SHROOM3: variants seen among roughly 807,000 people sequenced by gnomAD.
SHROOM3 encodes protein Shroom3.
A neutral mutation model predicts 138.6 loss-of-function variants in SHROOM3; 47 were observed. The ratio of observed to expected loss-of-function variants is 0.34; its 90% CI spans 0.27 to 0.43. The LOEUF is 0.43. Ranked by LOEUF, SHROOM3 falls within the 20% of genes least tolerant of loss-of-function variation. SHROOM3 has a pLI of 1.00. For synonymous variants in SHROOM3, 1,062 were observed against 1,063.3 expected (o/e 1.00, Z 0.02); for missense variants, 2,491 against 2,596.5 (o/e 0.96, Z 0.88).
intron 2 of SHROOM3, among the ~76,000 whole-genome samples, chr4:76,661,577 C>A (rs1428027044): frequency 1.3e-5 from 2 of 152,154 alleles, no homozygotes; most frequent in African/African-American, 4.8e-5. Flanking sequence ...CTTTGTGCCC[C>A]TTTCCAGTCC....
chr4:76,732,420 C>T (rs370001130), intron 4 of SHROOM3, among the ~76,000 whole-genome samples: 11 of 152,308 alleles, frequency 7.2e-5, no homozygotes, highest in East Asian at 5.8e-4. Flanking sequence ...CACTGATGAA[C>T]AGTAGCTCAT....
chr4:76,697,832 G>T (rs1398418900), intron 2 of SHROOM3, among the ~76,000 whole-genome samples: 1 of 152,142 alleles, frequency 6.6e-6, no homozygotes, highest in African/African-American at 2.4e-5. Context: ...TATGTCAGTG[G>T]GTCCAGAATT....
chr4:76,639,983 T>G (rs1735618777), intron 2 of SHROOM3, among the ~76,000 whole-genome samples: 1 of 152,170 alleles, frequency 6.6e-6, no homozygotes, highest in Non-Finnish European at 1.5e-5. Flanking sequence ...TAACCATAAT[T>G]TTGCTTATAC....
intron 1 of SHROOM3, among the ~76,000 whole-genome samples, chr4:76,542,611 T>C (rs1733129578): frequency 6.6e-6 from 1 of 152,168 alleles, no homozygotes; most frequent in African/African-American, 2.4e-5. Context: ...GTTAGGTCTG[T>C]GGAAGGCTCT....
intron 5 of SHROOM3, 177 bp downstream of exon 5, chr4:76,742,103 T>TATA (rs1721279656): frequency 2.4e-6 from 2 of 820,604 alleles, no homozygotes; most frequent in Non-Finnish European, 2.0e-6. Context: ...TTACCTGGTT[T>TATA]CCTTATAAAG....
At chr4:76,554,698 G>A (rs942355072) in intron 1 of SHROOM3, among the ~76,000 whole-genome samples, 1 of 152,098 alleles carries the variant, frequency 6.6e-6, no homozygotes, top group Non-Finnish European at 1.5e-5. Flanking sequence ...GGGATTACAG[G>A]CATGAGCCAC....
intron 2 of SHROOM3, among the ~76,000 whole-genome samples, chr4:76,680,418 C>G (rs2110102821): frequency 6.6e-6 from 1 of 152,260 alleles, no homozygotes; most frequent in East Asian, 1.9e-4. Flanking sequence ...GGATTACAGG[C>G]GTAAGCCACT....
chr4:76,674,899 C>T (rs905321690), intron 2 of SHROOM3, among the ~76,000 whole-genome samples: 6 of 152,100 alleles, frequency 3.9e-5, no homozygotes, highest in Non-Finnish European at 8.8e-5. Flanking sequence ...CCCCACTCAT[C>T]CTCCCCATTC....
Position 76,662,244 on chromosome 4 carries a change from CTTG to C in SHROOM3, c.324-47903_324-47901del, listed in dbSNP as rs539826473. 4.0e-3 allele frequency among the ~76,000 whole-genome samples: 608 copies of C among 152,260 alleles called. 3 individuals are homozygous for C. Among genetic ancestry groups the C allele is most frequent in the Middle Eastern group, 0.02 (6 of 294 alleles). On this transcript the variant is annotated intron_variant, in intron 2 of 10. Transcript: ENST00000296043. ...TGTTGTTGGTTGAATTCAGCTCCTT[CTTG>C]TTGTTGTTTGAATTCAGTTTCTTGT... is the stretch of plus-strand genomic sequence containing the variant.
chr4:76,529,615 G>A (rs899394772), intron 1 of SHROOM3, among the ~76,000 whole-genome samples: 9 of 152,070 alleles, frequency 5.9e-5, no homozygotes, highest in African/African-American at 1.9e-4. Flanking sequence ...ATGAGCCACC[G>A]AGCCCAGCCT....
At chr4:76,632,715 A>G (rs2110074128) in intron 2 of SHROOM3, among the ~76,000 whole-genome samples, 1 of 152,344 alleles carries the variant, frequency 6.6e-6, no homozygotes, top group African/African-American at 2.4e-5. Flanking sequence ...TATTGGTAGA[A>G]AAACTCCCAA....
chr4:76,506,343 G>A (rs956125350), intron 1 of SHROOM3, among the ~76,000 whole-genome samples: 17 of 152,070 alleles, frequency 1.1e-4, no homozygotes, highest in Non-Finnish European at 1.0e-4. Flanking sequence ...AAACCTGCAC[G>A]TTCTGCACAT....
chr4:76,565,160 C>CAA (rs1166896258), intron 2 of SHROOM3, among the ~76,000 whole-genome samples: 6 of 135,890 alleles, frequency 4.4e-5, no homozygotes, highest in East Asian at 2.2e-4. Context: ...GACTCCATTT[C>CAA]AAAAAAAAAA....
At chr4:76,498,147 C>T (rs780810805) in intron 1 of SHROOM3, among the ~76,000 whole-genome samples, 1 of 152,158 alleles carries the variant, frequency 6.6e-6, no homozygotes, top group Non-Finnish European at 1.5e-5. Flanking sequence ...AAATCTAATT[C>T]TATATGATCA....
intron 1 of SHROOM3, among the ~76,000 whole-genome samples, chr4:76,520,014 G>A (rs1732529694): frequency 6.6e-6 from 1 of 152,066 alleles, no homozygotes; most frequent in African/African-American, 2.4e-5. Context: ...CTTCTTTTAG[G>A]TCATCTAATT....
chr4:76,521,632 A>T (rs1050766183), intron 1 of SHROOM3, among the ~76,000 whole-genome samples: 1 of 152,224 alleles, frequency 6.6e-6, no homozygotes, highest in Non-Finnish European at 1.5e-5. Context: ...TGGCGACGGC[A>T]AAGTCATTGT....
chr4:76,669,144 T>C (rs1202358463), intron 2 of SHROOM3, among the ~76,000 whole-genome samples: 3 of 152,234 alleles, frequency 2.0e-5, no homozygotes, highest in African/African-American at 7.2e-5. Flanking sequence ...TATTTTGCTT[T>C]TACTGTTTTA....
intron 2 of SHROOM3, among the ~76,000 whole-genome samples, chr4:76,702,084 A>G (rs577128942): frequency 9.2e-5 from 14 of 152,332 alleles, no homozygotes; most frequent in East Asian, 5.8e-4. Context: ...GTTTTTATGC[A>G]TATGTTTTAT....
Position 76,782,961 on chromosome 4 carries a change from G to A in SHROOM3, c.*3784G>A, listed in dbSNP as rs974608437. On this transcript the variant is annotated 3_prime_UTR_variant, in exon 11 of 11. Transcript: ENST00000296043. The stretch of plus-strand genomic sequence containing the variant: ...GAGCTCATTCAGAAACTAAATAATG[G>A]TTTCTCAAAGTGTGGTCAGGATACG... 1 of 152,050 alleles carries A rather than the reference G, an allele frequency of 6.6e-6. No homozygotes were observed. The highest frequency in any genetic ancestry group is 2.4e-5 in the African/African-American group (1 of 41,376). 9.4% of individuals were successfully genotyped at this position (152,050 alleles called of 1,614,324 possible).
Sources: allele counts gnomAD v4.1 joint callset (sites outside exome capture counted in the v4.1 genomes callset), GRCh38; gene constraint gnomAD v4.1.1; transcripts MANE v1.5; gene names NCBI Gene and HGNC (gene_info 2026-07-23, HGNC 2026-07-21).